STRADA: variants seen among roughly 807,000 people sequenced by gnomAD.
The protein encoded by STRADA is STE20 related adaptor alpha, also known as STE20-related kinase adapter protein alpha.
A neutral mutation model predicts 55.0 loss-of-function variants in STRADA; 26 were observed. The ratio of observed to expected loss-of-function variants is 0.47; its 90% CI spans 0.35 to 0.66. STRADA has a LOEUF of 0.66. STRADA is among the 30% of genes least tolerant of loss of function. The pLI is 0.01. For missense variants in STRADA, 443 were observed against 549.7 expected, an observed-to-expected ratio of 0.81 and a Z score of 1.94; for synonymous variants, 197 against 210.9, an observed-to-expected ratio of 0.93 and a Z score of 0.57.
At chr17:63,704,680 A>G in intron 10 of STRADA, 98 bp from the exon 11 acceptor site, 5 of 1,509,602 alleles carry the variant, frequency 3.3e-6, no homozygotes, top group Non-Finnish European at 4.4e-6. Context: ...ACTGTTCCCA[A>G]TATGCAAATG....
At chr17:63,726,577 C>T in intron 3 of STRADA, 61 bp downstream of exon 3, 1 of 1,542,314 alleles carries the variant, frequency 6.5e-7, no homozygotes, top group Non-Finnish European at 8.9e-7. Flanking sequence ...TTGATTTAGT[C>T]AACAAAAAAG....
intron 4 of STRADA, among the ~76,000 whole-genome samples, chr17:63,719,776 G>A (rs1238865057): frequency 6.6e-6 from 1 of 152,018 alleles, no homozygotes; most frequent in Non-Finnish European, 1.5e-5. Context: ...GAGCCATGGC[G>A]CCCGGCAGAT....
chr17:63,740,147 TACACACACACACACACACACACAC>T (rs57585655), intron 1 of STRADA, among the ~76,000 whole-genome samples: 2 of 67,010 alleles, frequency 3.0e-5, no homozygotes, highest in Admixed American at 1.6e-4. Flanking sequence ...TATATATATA[TACACACACACACACACACACACAC>T]ACACACACAC....
intron 1 of STRADA, chr17:63,737,248 C>CAAAAGAAAAAAA (rs2038505748): frequency 1.4e-5 from 1 of 72,598 alleles, no homozygotes; most frequent in Non-Finnish European, 2.7e-5. Context: ...CACTCTATCT[C>CAAAAGAAAAAAA]AAAAAAAAAA....
rs2035866448 is a variant in STRADA at position 63,703,717 on chromosome 17, A to G, written c.1178T>C (p.Leu393Ser). The part of the protein sequence containing the change: ...KRRASEALPE[L>S]LRPVTPITNF... Reference sequence around the variant, plus strand: ...GGTGATGGGGGTGACAGGACGAAGCAATTCGGGCAAAGCCTCTGAGGCACG... The same window carrying G: ...GGTGATGGGGGTGACAGGACGAAGCGATTCGGGCAAAGCCTCTGAGGCACG... The change falls in exon 13 of 13, where the codon TTG becomes TCG. Residue 393 changes from leucine (L) to serine (S), a missense_variant. Coordinates refer to ENST00000336174, the MANE Select transcript of STRADA (RefSeq NM_001003787.4). The G allele has an allele frequency of 1.2e-6, 2 of 1,614,148 alleles. No individual in the cohort carries two copies. Among genetic ancestry groups the G allele is most frequent in the East Asian group, 2.2e-5 (1 of 44,868 alleles).
At chr17:63,740,915 C>T (rs887667134) in intron 1 of STRADA, among the ~76,000 whole-genome samples, 23 of 152,146 alleles carry the variant, frequency 1.5e-4, no homozygotes, top group Non-Finnish European at 3.1e-4. Context: ...TTGGTTTCTT[C>T]CTTAACTCTC....
chr17:63,705,003 A>G, intron 10 of STRADA: 1 of 1,203,232 alleles, frequency 8.3e-7, no homozygotes, highest in South Asian at 1.3e-5. Context: ...CAGTCCCTGC[A>G]GTGCCACAGC....
intron 1 of STRADA, among the ~76,000 whole-genome samples, chr17:63,737,006 TG>T (rs1224423886): frequency 1.3e-5 from 2 of 151,818 alleles, no homozygotes; most frequent in Non-Finnish European, 2.9e-5. Context: ...CCCAGCACTT[TG>T]GGAGGCTGAG....
Position 63,703,458 on chromosome 17 carries a change from T to A in STRADA, c.*141A>T. ...GTCTCTCCAGGATTTTCTTTCCCAA[T>A]CAGTCAGCAGTCAACTTTCCTGGAA... On this transcript the variant is annotated 3_prime_UTR_variant, in exon 13 of 13. Transcript: ENST00000336174. The A allele has an allele frequency of 1.3e-6, 1 of 781,130 alleles. No homozygotes were observed. The highest frequency in any genetic ancestry group is 2.0e-6 in the Non-Finnish European group (1 of 494,318). 48.4% of individuals were successfully genotyped at this position (781,130 alleles called of 1,614,324 possible). A position where few individuals can be genotyped will look rare whatever the true frequency, so the allele number is the denominator to read the frequency against.
rs1422358781 is a variant in STRADA, at chr17:63,733,367, T to A, written c.-44-4954A>T. Among the ~76,000 whole-genome samples, 4 of 150,840 alleles carry A rather than the reference T, an allele frequency of 2.7e-5. 1 individual carries two copies. The highest frequency in any genetic ancestry group is 2.6e-4 in the Admixed American group (4 of 15,172). On this transcript the variant is annotated intron_variant, in intron 1 of 12. Transcript: ENST00000336174. ...GTCAGAATACAATCTTTTTTTTTTA[T>A]TTCCTTTTAAAAATTGTATTCAGTT... is the stretch of plus-strand genomic sequence containing the variant.
intron 1 of STRADA, among the ~76,000 whole-genome samples, chr17:63,736,495 G>T (rs1365883856): frequency 6.6e-6 from 1 of 151,858 alleles, no homozygotes; most frequent in Non-Finnish European, 1.5e-5. Flanking sequence ...AGGCATGTTG[G>T]CAGGTGCCTG....
chr17:63,731,857 TTTTC>T (rs1321444658), intron 1 of STRADA, among the ~76,000 whole-genome samples: 16 of 152,000 alleles, frequency 1.1e-4, no homozygotes, highest in Non-Finnish European at 1.9e-4. Context: ...TAAAATCAAA[TTTTC>T]TTTCTTTCTT....
chr17:63,704,557 G>A lies in STRADA; in HGVS notation c.884C>T (p.Thr295Ile). Residue 295 changes from threonine to isoleucine, a missense_variant, in exon 11 of 13, where the codon ACA becomes ATA. Coordinates refer to ENST00000336174, the MANE Select transcript of STRADA (RefSeq NM_001003787.4). ...GCTGGTATCCAACAGGCAGGGCACTGTGCCGTTCAGTTTCTCTAGCAGCAT... is the reference window on the plus strand; with the variant it reads ...GCTGGTATCCAACAGGCAGGGCACTATGCCGTTCAGTTTCTCTAGCAGCAT... ...TQMLLEKLNG[T>I]VPCLLDTSTI... 6.5e-7 allele frequency: 1 copy of A among 1,549,638 alleles called. No homozygotes were observed. Among genetic ancestry groups the A allele is most frequent in the Non-Finnish European group, 8.7e-7 (1 of 1,145,674 alleles).
chr17:63,706,891 AT>A (rs1598157909), intron 9 of STRADA, 152 bp from the exon 10 acceptor site: 2 of 648,426 alleles, frequency 3.1e-6, no homozygotes, highest in Non-Finnish European at 2.7e-6. Flanking sequence ...ACTAACTGGT[AT>A]TTTACCACCT....
intron 4 of STRADA, chr17:63,715,124 T>A (rs1219702213): frequency 6.6e-6 from 1 of 151,982 alleles, no homozygotes; most frequent in Non-Finnish European, 1.5e-5. Flanking sequence ...GAGCTGAGAG[T>A]GTTCTGAAAA....
intron 4 of STRADA, among the ~76,000 whole-genome samples, chr17:63,722,781 T>C (rs1332830286): frequency 6.6e-6 from 1 of 152,200 alleles, no homozygotes; most frequent in Non-Finnish European, 1.5e-5. Context: ...GGAAACAGGG[T>C]AAGAATCTTG....
intron 4 of STRADA, among the ~76,000 whole-genome samples, chr17:63,721,621 G>A (rs2037330426): frequency 6.6e-6 from 1 of 151,408 alleles, no homozygotes; most frequent in African/African-American, 2.4e-5. Context: ...GGTTGAGGCA[G>A]GAGAATTGCT....
intron 1 of STRADA, among the ~76,000 whole-genome samples, chr17:63,733,837 T>C (rs2038235642): frequency 6.6e-6 from 1 of 152,196 alleles, no homozygotes; most frequent in African/African-American, 2.4e-5. Context: ...GCTTTCCTGG[T>C]TGATAACATT....
Position 63,740,127 on chromosome 17 carries a change from T to TATACAC in STRADA, c.-45+1613_-45+1614insGTGTAT, listed in dbSNP as rs1246578359. On this transcript the variant is annotated intron_variant, in intron 1 of 12. Coordinates refer to ENST00000336174, the MANE Select transcript of STRADA (RefSeq NM_001003787.4). ...ATATATACATACATACATATATATATACACATACATATATATATATACACA... is the reference window on the plus strand; with the variant it reads ...ATATATACATACATACATATATATATATACACACACATACATATATATATATACACA... 4.7e-4 allele frequency among the ~76,000 whole-genome samples: 25 copies of TATACAC among 53,152 alleles called. 1 individual carries two copies. The highest frequency in any genetic ancestry group is 1.3e-3 in the Admixed American group (6 of 4,720). 34.9% of individuals were successfully genotyped at this position (53,152 alleles called of 152,430 possible).
Sources: allele counts gnomAD v4.1 joint callset (sites outside exome capture counted in the v4.1 genomes callset), GRCh38; gene constraint gnomAD v4.1.1; transcripts MANE v1.5; gene names NCBI Gene and HGNC (gene_info 2026-07-23, HGNC 2026-07-21).